CDK5RAP2: variants seen among roughly 807,000 people sequenced by gnomAD.
CDK5RAP2 encodes the protein CDK5 regulatory subunit-associated protein 2.
Under a neutral mutation model 232.9 loss-of-function variants are expected in CDK5RAP2, and 147 were observed. The ratio of observed to expected loss-of-function variants is 0.63; its 90% CI spans 0.55 to 0.72. CDK5RAP2 has a LOEUF of 0.72. CDK5RAP2 is among the 30% of genes least tolerant of loss of function. The pLI is 0.00. For missense variants in CDK5RAP2, 2,195 were observed against 2,231.5 expected (o/e 0.98, Z 0.33); for synonymous variants, 833 against 833.7 (o/e 1.00, Z 0.01).
chr9:120,544,618 C>T (rs988470532), intron 5 of CDK5RAP2, among the ~76,000 whole-genome samples: 1 of 152,228 alleles, frequency 6.6e-6, no homozygotes, highest in Non-Finnish European at 1.5e-5. Flanking sequence ...ACCAAGAACT[C>T]CATGGTCCTG....
At chr9:120,556,432 C>CTT (rs34296658) in intron 3 of CDK5RAP2, among the ~76,000 whole-genome samples, 2 of 144,486 alleles carry the variant, frequency 1.4e-5, no homozygotes, top group African/African-American at 2.5e-5. Context: ...TTAGTAAATA[C>CTT]TTTTTTTTTT....
intron 35 of CDK5RAP2, among the ~76,000 whole-genome samples, chr9:120,396,001 T>C (rs936851040): frequency 6.6e-6 from 1 of 152,236 alleles, no homozygotes; most frequent in African/African-American, 2.4e-5. Flanking sequence ...ATGCAGTTTA[T>C]GAAAGAAAGA....
rs1432537816 is a variant in CDK5RAP2, at chr9:120,467,989, G to T, written c.1977C>A (p.Asp659Glu). ...SQEELKKKVS[D>E]LIQLVKELYT... ...ACAGCTCCTTCACTAGCTGTATAAG[G>T]TCACTGACCTAGGAGGTAAGAACAG... Residue 659 changes from aspartate to glutamate, a missense_variant, in exon 18 of 38, where the codon GAC (aspartate) becomes GAA (glutamate). Physicochemically the swap from Asp to Glu is conservative, Grantham distance 45. Coordinates refer to ENST00000349780, the MANE Select transcript of CDK5RAP2 (RefSeq NM_018249.6). 1 of 1,614,036 alleles carries T rather than the reference G, an allele frequency of 6.2e-7. No homozygotes were observed. The highest frequency in any genetic ancestry group is 8.5e-7 in the Non-Finnish European group (1 of 1,179,966).
At chr9:120,445,627 T>G (rs936822685) in intron 22 of CDK5RAP2, among the ~76,000 whole-genome samples, 1 of 152,180 alleles carries the variant, frequency 6.6e-6, no homozygotes, top group African/African-American at 2.4e-5. Context: ...TATCTGACAC[T>G]GCTAATCCCC....
chr9:120,460,444 TG>T, intron 19 of CDK5RAP2, 127 bp downstream of exon 19: 1 of 837,602 alleles, frequency 1.2e-6, no homozygotes, highest in Non-Finnish European at 2.0e-6. Flanking sequence ...TGCTTTCCAC[TG>T]GCACATGAAA....
intron 5 of CDK5RAP2, among the ~76,000 whole-genome samples, chr9:120,540,206 C>A (rs1267084465): frequency 3.3e-5 from 5 of 152,186 alleles, no homozygotes; most frequent in Non-Finnish European, 7.4e-5. Context: ...CAGTGTCGGA[C>A]ATGACTCTGT....
chr9:120,500,327 C>G (rs534161753), intron 12 of CDK5RAP2, among the ~76,000 whole-genome samples: 2 of 152,112 alleles, frequency 1.3e-5, no homozygotes, highest in South Asian at 4.2e-4. Context: ...GGCTAAATCC[C>G]CAAAAGTAGA....
At chr9:120,445,634 C>T (rs1196386364) in intron 22 of CDK5RAP2, among the ~76,000 whole-genome samples, 2 of 152,278 alleles carry the variant, frequency 1.3e-5, no homozygotes, top group East Asian at 3.9e-4. Context: ...CACTGCTAAT[C>T]CCCTCCTTAC....
At chr9:120,402,253 G>A (rs545247810) in intron 34 of CDK5RAP2, among the ~76,000 whole-genome samples, 2 of 152,180 alleles carry the variant, frequency 1.3e-5, no homozygotes, top group South Asian at 2.1e-4. Context: ...AGCCATGATC[G>A]CGCCACTGCA....
At chr9:120,507,658 T>G (rs2039875191) in intron 12 of CDK5RAP2, among the ~76,000 whole-genome samples, 1 of 151,834 alleles carries the variant, frequency 6.6e-6, no homozygotes, top group African/African-American at 2.4e-5. Flanking sequence ...GCCCCCCGGG[T>G]GCATCTGTTT....
intron 5 of CDK5RAP2, among the ~76,000 whole-genome samples, chr9:120,543,946 T>G (rs1044289667): frequency 1.3e-5 from 2 of 152,222 alleles, no homozygotes; most frequent in Non-Finnish European, 2.9e-5. Context: ...AACTTGTGTT[T>G]ATATATTACT....
intron 9 of CDK5RAP2, among the ~76,000 whole-genome samples, chr9:120,528,325 G>GATA (rs749472809): frequency 9.9e-5 from 15 of 152,000 alleles, no homozygotes; most frequent in Admixed American, 2.6e-4. Flanking sequence ...TCATTCTAAA[G>GATA]ATAATCATCA....
chr9:120,478,220 T>C (rs2038119981), intron 14 of CDK5RAP2, among the ~76,000 whole-genome samples: 1 of 152,194 alleles, frequency 6.6e-6, no homozygotes, highest in Non-Finnish European at 1.5e-5. Context: ...AGATGAAAGA[T>C]AAATTGCATA....
At position 120,481,513 on chromosome 9, in the gene CDK5RAP2, T is replaced by C. The variant is rs187691173; in HGVS notation, c.1627-4063A>G. The stretch of plus-strand genomic sequence containing the variant: ...GTCAATATTGTTTTCTTTTTTTTTT[T>C]TTTCTTTTTTTTTTTTTGAGATGGA... On this transcript the variant is annotated intron_variant, in intron 14 of 37. Transcript: ENST00000349780. Among the ~76,000 whole-genome samples, 7 of 149,182 alleles carry C rather than the reference T, an allele frequency of 4.7e-5. No homozygotes were observed. In the East Asian group the frequency reaches 5.8e-4, roughly 12 times the overall value.
chr9:120,462,348 G>A (rs779851785), intron 18 of CDK5RAP2, among the ~76,000 whole-genome samples: 1 of 151,616 alleles, frequency 6.6e-6, no homozygotes, highest in East Asian at 1.9e-4. Flanking sequence ...TTGTTGGTGG[G>A]AATATAAAAT....
At chr9:120,436,157 C>T (rs1461421827) in intron 25 of CDK5RAP2, among the ~76,000 whole-genome samples, 1 of 152,182 alleles carries the variant, frequency 6.6e-6, no homozygotes, top group Non-Finnish European at 1.5e-5. Flanking sequence ...TATTGTGTGC[C>T]TCCTTAAGAA....
Position 120,528,730 on chromosome 9 carries a change from T to C in CDK5RAP2, c.879+14A>G, listed in dbSNP as rs1311044011. ...TAAATCTTCAATACATTTTTTAAAA[T>C]TGTATCAACATACCTGGATCCTCTC... On this transcript the variant is annotated intron_variant, in intron 9 of 37. Transcript: ENST00000349780. 2.0e-6 allele frequency: 3 copies of C among 1,519,238 alleles called. No homozygotes were observed. The highest frequency in any genetic ancestry group is 2.7e-5 in the African/African-American group (2 of 73,450). 94.1% of individuals were successfully genotyped at this position (1,519,238 alleles called of 1,614,324 possible). A position where few individuals can be genotyped will look rare whatever the true frequency, so the allele number is the denominator to read the frequency against.
chr9:120,551,987 A>C (rs966044982), intron 3 of CDK5RAP2, among the ~76,000 whole-genome samples: 1 of 152,084 alleles, frequency 6.6e-6, no homozygotes, highest in Non-Finnish European at 1.5e-5. Flanking sequence ...AACTCAAACA[A>C]ATTTACAAGA....
intron 3 of CDK5RAP2, among the ~76,000 whole-genome samples, chr9:120,552,897 T>C (rs1159035686): frequency 1.3e-5 from 2 of 150,162 alleles, no homozygotes; most frequent in Non-Finnish European, 3.0e-5. Context: ...CTCAAATGAG[T>C]AGAGACAGGA....
Sources: gnomAD v4.1 joint callset for allele counts (sites outside exome capture counted in the v4.1 genomes callset) on GRCh38, gnomAD v4.1.1 for gene constraint, MANE v1.5 for transcripts, NCBI Gene and HGNC (gene_info 2026-07-23, HGNC 2026-07-21) for gene names.